The following LRMDA variants were observed in gnomAD, a reference collection of about 807,000 sequenced individuals.
LRMDA encodes the protein leucine-rich melanocyte differentiation-associated protein.
In LRMDA, 18 loss-of-function variants were observed where a neutral mutation model predicts 29.8. The ratio of observed to expected loss-of-function variants is 0.60; its 90% CI spans 0.42 to 0.90. The LOEUF is 0.90. LRMDA is among the 40% of genes least tolerant of loss of function. The pLI is 0.00. For missense variants in LRMDA, 273 were observed against 273.9 expected, an observed-to-expected ratio of 1.00 and a Z score of 0.02; for synonymous variants, 125 against 109.4, an observed-to-expected ratio of 1.14 and a Z score of -0.89.
intron 2 of LRMDA, among the ~76,000 whole-genome samples, chr10:75,941,253 G>A (rs1846386053): frequency 1.3e-5 from 2 of 152,276 alleles, no homozygotes; most frequent in South Asian, 2.1e-4. Context: ...AAGGAAAGGC[G>A]AGTAAGCAAG....
chr10:76,397,691 C>T (rs1243280422), intron 6 of LRMDA, among the ~76,000 whole-genome samples: 3 of 152,160 alleles, frequency 2.0e-5, no homozygotes, highest in African/African-American at 4.8e-5. Flanking sequence ...GCAAAACAGA[C>T]CTCTGAAAGG....
chr10:75,526,880 T>C (rs1195366318), intron 2 of LRMDA, among the ~76,000 whole-genome samples: 1 of 150,714 alleles, frequency 6.6e-6, no homozygotes, highest in Non-Finnish European at 1.5e-5. Context: ...AAACAAAACA[T>C]AATATGAAAT....
chr10:75,458,136 A>G (rs1431463507), intron 2 of LRMDA, among the ~76,000 whole-genome samples: 2 of 152,208 alleles, frequency 1.3e-5, no homozygotes, highest in East Asian at 3.8e-4. Context: ...AGATAGAAGG[A>G]GTTGTGAAGA....
chr10:75,992,852 C>A (rs1847394570), intron 2 of LRMDA, among the ~76,000 whole-genome samples: 1 of 152,202 alleles, frequency 6.6e-6, no homozygotes, highest in Non-Finnish European at 1.5e-5. Context: ...TAACACAGGT[C>A]TTGGACTCAG....
rs546664371 is a variant in LRMDA, at chr10:76,072,239, T to A, written c.516+13456T>A. ...TATATCGAAGATGCAGGATAGTTTG[T>A]GTTGAGGGCCCTGGACAGGGAGTCC... On this transcript the variant is annotated intron_variant, in intron 5 of 6. Coordinates refer to ENST00000611255, the MANE Select transcript of LRMDA (RefSeq NM_001305581.2). 2.4e-4 allele frequency among the ~76,000 whole-genome samples: 37 copies of A among 152,244 alleles called. No homozygotes were observed. The South Asian group carries it at 3.3e-3, about 14-fold the overall frequency.
At chr10:75,834,625 A>G (rs1216266908) in intron 2 of LRMDA, among the ~76,000 whole-genome samples, 1 of 152,200 alleles carries the variant, frequency 6.6e-6, no homozygotes, top group Admixed American at 6.5e-5. Flanking sequence ...ATTTCAGAAA[A>G]ATATCCAACT....
At chr10:75,586,319 T>C (rs1020748593) in intron 2 of LRMDA, among the ~76,000 whole-genome samples, 4 of 151,536 alleles carry the variant, frequency 2.6e-5, no homozygotes, top group African/African-American at 9.7e-5. Flanking sequence ...AAGGGTTCCA[T>C]TTCTTCACAT....
chr10:75,939,693 G>A (rs1460995792), intron 2 of LRMDA, among the ~76,000 whole-genome samples: 1 of 152,164 alleles, frequency 6.6e-6, no homozygotes, highest in African/African-American at 2.4e-5. Flanking sequence ...ACCTTTGGCT[G>A]TGAGTGTGCA....
intron 6 of LRMDA, among the ~76,000 whole-genome samples, chr10:76,488,737 G>C (rs1842805918): frequency 6.6e-6 from 1 of 151,918 alleles, no homozygotes; most frequent in Admixed American, 6.6e-5. Context: ...GTGTCTAAGA[G>C]TTGCAGTTGC....
At chr10:75,839,700 CTTTTTTTT>C (rs1160178913) in intron 2 of LRMDA, among the ~76,000 whole-genome samples, 1 of 82,794 alleles carries the variant, frequency 1.2e-5, no homozygotes, top group African/African-American at 6.4e-5. Flanking sequence ...ATCCGACTTT[CTTTTTTTT>C]TTTTTTTTTT....
chr10:76,127,550 A>C (rs1399053618), intron 5 of LRMDA, among the ~76,000 whole-genome samples: 1 of 140,952 alleles, frequency 7.1e-6, no homozygotes, highest in Non-Finnish European at 1.5e-5. Flanking sequence ...TTATAAAACC[A>C]ATGAAATGAA....
chr10:75,785,538 T>C (rs1843457626), intron 2 of LRMDA, among the ~76,000 whole-genome samples: 1 of 152,230 alleles, frequency 6.6e-6, no homozygotes, highest in South Asian at 2.1e-4. Context: ...TGCAATGCTC[T>C]TGGGCTGCAG....
chr10:76,344,905 A>AAAG (rs1333979988), intron 6 of LRMDA, among the ~76,000 whole-genome samples: 7 of 151,634 alleles, frequency 4.6e-5, no homozygotes, highest in African/African-American at 7.3e-5. Flanking sequence ...TTTAAGTGAA[A>AAAG]AAAAAAAAGA....
At chr10:76,310,063 TTCC>T (rs777743638) in intron 5 of LRMDA, among the ~76,000 whole-genome samples, 28 of 152,340 alleles carry the variant, frequency 1.8e-4, no homozygotes, top group Non-Finnish European at 2.2e-4. Flanking sequence ...TGTAATTTTT[TTCC>T]TCATTTATGA....
chr10:75,740,619 A>G (rs1033286813), intron 2 of LRMDA, among the ~76,000 whole-genome samples: 2 of 152,142 alleles, frequency 1.3e-5, no homozygotes, highest in African/African-American at 2.4e-5. Context: ...CCTTATCCCT[A>G]CACAGAGAGG....
chr10:75,522,024 T>G (rs1357010668), intron 2 of LRMDA, among the ~76,000 whole-genome samples: 2 of 152,218 alleles, frequency 1.3e-5, no homozygotes, highest in Non-Finnish European at 2.9e-5. Flanking sequence ...GGCTCTTTAT[T>G]TTCTGTGTTG....
At chr10:75,488,969 G>A (rs1589158078) in intron 2 of LRMDA, among the ~76,000 whole-genome samples, 2 of 152,126 alleles carry the variant, frequency 1.3e-5, no homozygotes, top group South Asian at 2.1e-4. Context: ...CGTTTGTGAC[G>A]AGTTATCTCA....
intron 2 of LRMDA, among the ~76,000 whole-genome samples, chr10:76,010,329 T>C (rs76415034): frequency 2.6e-5 from 4 of 151,736 alleles, no homozygotes; most frequent in Non-Finnish European, 4.4e-5. Context: ...TTTTTTTTTT[T>C]TGAGACAGTG....
intron 6 of LRMDA, among the ~76,000 whole-genome samples, chr10:76,378,736 ATATAT>A (rs1841551233): frequency 6.6e-6 from 1 of 151,262 alleles, no homozygotes; most frequent in Non-Finnish European, 1.5e-5. Flanking sequence ...CTTGATTATG[ATATAT>A]TATGTTTTTG....
Sources: gnomAD v4.1 joint callset for allele counts (sites outside exome capture counted in the v4.1 genomes callset) on GRCh38, gnomAD v4.1.1 for gene constraint, MANE v1.5 for transcripts, NCBI Gene and HGNC (gene_info 2026-07-23, HGNC 2026-07-21) for gene names.